PER3: variants seen among roughly 807,000 people sequenced by gnomAD.
PER3 encodes the protein period circadian protein homolog 3.
Under a neutral mutation model 127.2 loss-of-function variants are expected in PER3, and 107 were observed. That is an observed-to-expected ratio of 0.84 (90% CI 0.72 to 0.99). The LOEUF is 0.99. Among genes scored for constraint, PER3 ranks in the 50% least tolerant of loss-of-function variants. The pLI is 0.00. For synonymous variants in PER3, 618 were observed against 585.8 expected (o/e 1.05, Z -0.79); for missense variants, 1,560 against 1,525.8 (o/e 1.02, Z -0.37).
Position 7,803,750 on chromosome 1 carries a change from A to G in PER3, c.1038A>G (p.Gln346=), listed in dbSNP as rs1345336440. 6.2e-7 allele frequency: 1 copy of G among 1,610,826 alleles called. No homozygotes were observed. The highest frequency in any genetic ancestry group is 1.1e-5 in the South Asian group (1 of 90,998). ...FEHSPIRFCT[Q]NGDYIILDSS... is the part of the protein sequence containing the mutation. The stretch of plus-strand genomic sequence containing the variant: ...ATTCTCCCATTCGATTTTGTACTCA[A>G]AACGGAGACTACATCATACTGGATT... Residue 346 remains glutamine (Q), a synonymous_variant, in exon 10 of 22, where the codon CAA becomes CAG. Transcript: ENST00000377532.
intron 18 of PER3, among the ~76,000 whole-genome samples, chr1:7,828,520 G>T (rs1250981082): frequency 6.6e-6 from 1 of 152,086 alleles, no homozygotes; most frequent in Non-Finnish European, 1.5e-5. Flanking sequence ...TCTCTTTAAG[G>T]TACAATACCC....
At chr1:7,809,688 C>T (rs569835243) in intron 11 of PER3, among the ~76,000 whole-genome samples, 1 of 152,322 alleles carries the variant, frequency 6.6e-6, no homozygotes, top group East Asian at 1.9e-4. Flanking sequence ...TAGACTAGAA[C>T]ATAAGACCTT....
intron 8 of PER3, 82 bp downstream of exon 8, chr1:7,801,273 T>C (rs2097169736): frequency 3.8e-6 from 3 of 788,130 alleles, no homozygotes; most frequent in East Asian, 2.6e-5. Context: ...TGTTTGCATG[T>C]TTATACATTA....
At chr1:7,802,168 T>TA (rs2097173373) in intron 8 of PER3, among the ~76,000 whole-genome samples, 1 of 152,238 alleles carries the variant, frequency 6.6e-6, no homozygotes, top group Non-Finnish European at 1.5e-5. Flanking sequence ...TCCTTAGTCT[T>TA]ACCATCGTAA....
chr1:7,831,912 A>G (rs926203665), intron 19 of PER3, among the ~76,000 whole-genome samples: 1 of 152,184 alleles, frequency 6.6e-6, no homozygotes, highest in African/African-American at 2.4e-5. Context: ...TGAGCTAGGA[A>G]CTATTCTTTG....
rs2097164401 is a variant in PER3, at chr1:7,800,204, A to ATCAATC, written c.794-908_794-903dup. 2.1e-5 allele frequency among the ~76,000 whole-genome samples: 3 copies of ATCAATC among 143,120 alleles called. 1 individual carries two copies. In the Admixed American group the frequency reaches 2.2e-4, roughly 10 times the overall value. The allele number at this position is 143,120 out of a possible 152,430, so 93.9% of individuals were successfully genotyped here. On this transcript the variant is annotated intron_variant, in intron 7 of 21. Transcript: ENST00000377532. ...ATTTGCTCATACCATTCCCTAATAT[A>ATCAATC]TCAATCACTTCATTTTTTTTTTTCT... is the stretch of plus-strand genomic sequence containing the variant.
At position 7,784,822 on chromosome 1, in the gene PER3, G is replaced by C; in HGVS notation, c.-56G>C. On this transcript the variant is annotated 5_prime_UTR_variant, in exon 2 of 22. Coordinates refer to ENST00000377532, the MANE Select transcript of PER3 (RefSeq NM_001377275.1). Reference sequence around the variant, plus strand: ...GTCTGTCACTGACTGCAAAGTGAGCGAGAAGCAGGCTGCGGGCCGTCCCAG... The same window carrying C: ...GTCTGTCACTGACTGCAAAGTGAGCCAGAAGCAGGCTGCGGGCCGTCCCAG... The C allele has an allele frequency of 1.4e-6, 2 of 1,395,186 alleles. No individual in the cohort carries two copies. Among genetic ancestry groups the C allele is most frequent in the Non-Finnish European group, 1.8e-6 (2 of 1,081,802 alleles). The allele number at this position is 1,395,186 out of a possible 1,614,324, so 86.4% of individuals were successfully genotyped here. A position where few individuals can be genotyped will look rare whatever the true frequency, so the allele number is the denominator to read the frequency against.
chr1:7,809,715 G>A (rs963448619), intron 11 of PER3, among the ~76,000 whole-genome samples, 178 bp from the exon 12 acceptor site: 85 of 152,256 alleles, frequency 5.6e-4, no homozygotes, highest in African/African-American at 1.4e-3. Context: ...GAAAATTGCC[G>A]AAATGACAGA....
chr1:7,785,105 C>T (rs926124244), intron 2 of PER3, 100 bp downstream of exon 2: 4 of 1,330,830 alleles, frequency 3.0e-6, no homozygotes, highest in Admixed American at 2.8e-5. Context: ...TGTTTTCAAG[C>T]CCAGGGGAAA....
chr1:7,791,265 C>T (rs1311741132), intron 5 of PER3, among the ~76,000 whole-genome samples: 1 of 152,272 alleles, frequency 6.6e-6, no homozygotes, highest in Admixed American at 6.5e-5. Context: ...GCAGAGGTTT[C>T]CAAACCTCAG....
In PER3 at chr1:7,798,628, C is replaced by A; in HGVS notation, c.748C>A (p.Pro250Thr). The change falls in exon 7 of 22, where the codon CCT (proline) becomes ACT (threonine). Residue 250 changes from proline to threonine, a missense_variant. Pro to Thr is a conservative substitution (Grantham distance 38, BLOSUM62 -1). Transcript: ENST00000377532. Reference sequence around the variant, plus strand: ...TGCCCAGCCAGAATTGGAATCGGAACCTTGCTGTCTCACTGTGGTTGAAAA... The same window carrying A: ...TGCCCAGCCAGAATTGGAATCGGAAACTTGCTGTCTCACTGTGGTTGAAAA... ...HPAQPELESE[P>T]CCLTVVEKIH... The A allele has an allele frequency of 5.6e-6, 9 of 1,613,836 alleles. No homozygotes were observed. The highest frequency in any genetic ancestry group is 6.8e-6 in the Non-Finnish European group (8 of 1,179,714).
chr1:7,817,372 C>T (rs982547106), intron 13 of PER3, among the ~76,000 whole-genome samples: 4 of 152,172 alleles, frequency 2.6e-5, no homozygotes, highest in African/African-American at 9.7e-5. Flanking sequence ...CAGGCCTAAA[C>T]ACACGGAAGG....
chr1:7,829,923 C>T lies in PER3; in HGVS notation c.2976C>T (p.Ser992=), dbSNP rs750943755. The change falls in exon 19 of 22, where the codon TCC becomes TCT. Residue 992 remains serine, a synonymous_variant. Transcript: ENST00000377532. ...GGTCACCTCCCAGGGAGAATCCATC[C>T]CATCCTACTGCCAGCGCTCTGTCCA... ...STGSPPRENP[S]HPTASALSTG... is the part of the protein sequence containing the mutation. 7.7e-7 allele frequency: 1 copy of T among 1,303,774 alleles called. No individual in the cohort carries two copies. 80.8% of individuals were successfully genotyped at this position (1,303,774 alleles called of 1,614,324 possible). A position where few individuals can be genotyped will look rare whatever the true frequency, so the allele number is the denominator to read the frequency against.
intron 6 of PER3, among the ~76,000 whole-genome samples, chr1:7,794,880 CTGTTA>C (rs749615755): frequency 3.2e-4 from 48 of 150,190 alleles, no homozygotes; most frequent in Non-Finnish European, 5.2e-4. Flanking sequence ...ATTATATATT[CTGTTA>C]TGTTATATAT....
chr1:7,834,457 G>A (rs1203079969), intron 19 of PER3, among the ~76,000 whole-genome samples: 1 of 151,922 alleles, frequency 6.6e-6, no homozygotes, highest in Non-Finnish European at 1.5e-5. Context: ...GTGTTTTGTT[G>A]TTGTTGTTGT....
chr1:7,787,737 C>T (rs1191551627), intron 4 of PER3: 13 of 385,792 alleles, frequency 3.4e-5, no homozygotes, highest in South Asian at 1.9e-4. Flanking sequence ...ACGAGAACAC[C>T]GTCCACCCAG....
chr1:7,826,736 C>A lies in PER3; in HGVS notation c.2188+26C>A. On this transcript the variant is annotated intron_variant, in intron 17 of 21. Coordinates refer to ENST00000377532, the MANE Select transcript of PER3 (RefSeq NM_001377275.1). This position sits in a 1 kb window ranked among gnomAD's most constrained non-coding sequence, Gnocchi z 4.2. ...GTACGTAATTTTTTAAAAATAAATG[C>A]CATTAATCTATGTAAATGTTACAAA... 1 of 1,318,242 alleles carries A rather than the reference C, an allele frequency of 7.6e-7. No homozygotes were observed. Among genetic ancestry groups the A allele is most frequent in the Non-Finnish European group, 1.1e-6 (1 of 913,872 alleles). 81.7% of individuals were successfully genotyped at this position (1,318,242 alleles called of 1,614,324 possible).
chr1:7,809,479 C>T (rs1219797675), intron 11 of PER3, among the ~76,000 whole-genome samples: 1 of 151,472 alleles, frequency 6.6e-6, no homozygotes, highest in Non-Finnish European at 1.5e-5. Flanking sequence ...TAACTGTCCT[C>T]GGTGGTTTTC....
At chr1:7,787,239 T>C (rs1233975758) in intron 4 of PER3, 1 of 905,322 alleles carries the variant, frequency 1.1e-6, no homozygotes, top group Admixed American at 5.4e-5. Flanking sequence ...CTGGATGTTA[T>C]AGAACAGGTG....
Sources: allele counts gnomAD v4.1 joint callset (sites outside exome capture counted in the v4.1 genomes callset), GRCh38; gene constraint gnomAD v4.1.1; non-coding constraint Gnocchi (gnomAD v3.1); transcripts MANE v1.5; gene names NCBI Gene and HGNC (gene_info 2026-07-23, HGNC 2026-07-21).